CC2D2B: variants seen among roughly 807,000 people sequenced by gnomAD.
CC2D2B encodes protein CC2D2B.
Under a neutral mutation model 161.2 loss-of-function variants are expected in CC2D2B, and 128 were observed. That is an observed-to-expected ratio of 0.79 (90% CI 0.69 to 0.92). The LOEUF is 0.92. Ranked by LOEUF, CC2D2B falls within the 40% of genes least tolerant of loss-of-function variation. The probability of loss-of-function intolerance (pLI) is 0.00; values close to 1 mark genes in which losing one functional copy is unlikely to be tolerated. For missense variants in CC2D2B, 1,173 were observed against 1,375.1 expected (o/e 0.85, Z 2.32); for synonymous variants, 391 against 449.8 (o/e 0.87, Z 1.65).
chr10:95,999,578 G>T (rs2078379888), intron 24 of CC2D2B, among the ~76,000 whole-genome samples: 1 of 151,350 alleles, frequency 6.6e-6, no homozygotes, highest in South Asian at 2.1e-4. Context: ...GTAATTTGTT[G>T]CACAATAAGC....
intron 31 of CC2D2B, 60 bp downstream of exon 31, chr10:96,019,397 AC>A: frequency 6.8e-7 from 1 of 1,459,908 alleles, no homozygotes; most frequent in Admixed American, 2.2e-5. Flanking sequence ...CTGGCTACAC[AC>A]TAGAATCACC....
intron 12 of CC2D2B, among the ~76,000 whole-genome samples, chr10:95,963,006 T>G (rs1188916720): frequency 2.0e-5 from 3 of 152,104 alleles, no homozygotes; most frequent in Non-Finnish European, 2.9e-5. Flanking sequence ...CTAACTCTTG[T>G]TGCCACTATT....
intron 6 of CC2D2B, among the ~76,000 whole-genome samples, chr10:95,928,232 TAAA>T (rs34003266): frequency 3.3e-5 from 5 of 149,572 alleles, no homozygotes; most frequent in East Asian, 4.0e-4. Context: ...TTTGCACAAT[TAAA>T]AAAAAAAAAC....
intron 25 of CC2D2B, among the ~76,000 whole-genome samples, 155 bp downstream of exon 25, chr10:96,004,403 C>T (rs2078659140): frequency 6.6e-6 from 1 of 152,116 alleles, no homozygotes; most frequent in Non-Finnish European, 1.5e-5. Context: ...TAAAATCAGA[C>T]ATATAACAAG....
intron 32 of CC2D2B, 119 bp downstream of exon 32, chr10:96,019,943 A>G: frequency 2.1e-6 from 2 of 960,668 alleles, no homozygotes; most frequent in Non-Finnish European, 3.0e-6. Flanking sequence ...ATTTGGCAAT[A>G]TTAATTTAAA....
intron 25 of CC2D2B, among the ~76,000 whole-genome samples, chr10:96,008,834 T>A (rs2078868223): frequency 6.6e-6 from 1 of 152,098 alleles, no homozygotes; most frequent in African/African-American, 2.4e-5. Flanking sequence ...CAATATGTAG[T>A]TTATCTTTTT....
At position 96,033,473 on chromosome 10, in the gene CC2D2B, A is replaced by G. The variant is rs1285909100; in HGVS notation, c.*1465A>G. Among the ~76,000 whole-genome samples the G allele has an allele frequency of 2.0e-5, 3 of 152,228 alleles. No individual in the cohort carries two copies. The highest frequency in any genetic ancestry group is 2.0e-4 in the Admixed American group (3 of 15,268). On this transcript the variant is annotated 3_prime_UTR_variant, in exon 35 of 35. Coordinates refer to ENST00000646931, the MANE Select transcript of CC2D2B (RefSeq NM_001349008.3). ...TTTAAATTTAATGTGAAGTTTTATT[A>G]TTAAACAAGTCCCCCACTTTGATTG...
chr10:95,909,654 G>T (rs1162871642), intron 1 of CC2D2B, among the ~76,000 whole-genome samples: 2 of 152,212 alleles, frequency 1.3e-5, no homozygotes, highest in Non-Finnish European at 2.9e-5. Flanking sequence ...CACAATTAAA[G>T]ATATGTTACT....
intron 17 of CC2D2B, among the ~76,000 whole-genome samples, chr10:95,981,316 C>G (rs1386231456): frequency 6.6e-6 from 1 of 150,726 alleles, no homozygotes; most frequent in East Asian, 2.0e-4. Context: ...CGCTTTGAAC[C>G]TGGGAGGCAG....
chr10:95,961,660 G>A lies in CC2D2B; in HGVS notation c.1110-169G>A, dbSNP rs2076767885. On this transcript the variant is annotated intron_variant, in intron 11 of 34. Coordinates refer to ENST00000646931, the MANE Select transcript of CC2D2B (RefSeq NM_001349008.3). ...GGAACAAATTTCTAATGGAATTGCA[G>A]TGGGTAACATAAAATATAGTAAGAT... 7 of 391,442 alleles carry A rather than the reference G, an allele frequency of 1.8e-5. No homozygotes were observed. The East Asian group carries it at 2.6e-4, about 14-fold the overall frequency. The allele number at this position is 391,442 out of a possible 1,614,324, so 24.2% of individuals were successfully genotyped here.
Position 96,033,134 on chromosome 10 carries a change from C to G in CC2D2B, c.*1126C>G, listed in dbSNP as rs1469494456. Among the ~76,000 whole-genome samples, 1 of 152,130 alleles carries G rather than the reference C, an allele frequency of 6.6e-6. No individual in the cohort carries two copies. The highest frequency in any genetic ancestry group is 1.5e-5 in the Non-Finnish European group (1 of 68,026). On this transcript the variant is annotated 3_prime_UTR_variant, in exon 35 of 35. Coordinates refer to ENST00000646931, the MANE Select transcript of CC2D2B (RefSeq NM_001349008.3). ...TATGAGGTAAAGATAAAAGAACATT[C>G]ACCTCTCCCATTGAAGAACCACTGA... is the stretch of plus-strand genomic sequence containing the variant.
intron 21 of CC2D2B, among the ~76,000 whole-genome samples, chr10:95,991,801 T>C (rs1355321253): frequency 6.6e-6 from 1 of 152,220 alleles, no homozygotes; most frequent in Non-Finnish European, 1.5e-5. Context: ...GGAAAAGTTG[T>C]TGCTGCTAGC....
intron 9 of CC2D2B, among the ~76,000 whole-genome samples, chr10:95,945,399 A>G (rs975094186): frequency 6.6e-5 from 10 of 152,166 alleles, no homozygotes; most frequent in Non-Finnish European, 1.5e-5. Context: ...TAATAGTTGT[A>G]TGCATATCAG....
At chr10:95,967,995 T>C (rs2077000140) in intron 14 of CC2D2B, among the ~76,000 whole-genome samples, 1 of 152,174 alleles carries the variant, frequency 6.6e-6, no homozygotes, top group African/African-American at 2.4e-5. Flanking sequence ...CTCTTGCCAC[T>C]AGGAAAATAT....
intron 32 of CC2D2B, chr10:96,020,082 A>G (rs1034354516): frequency 2.9e-6 from 1 of 345,298 alleles, no homozygotes; most frequent in Admixed American, 5.0e-5. Context: ...TTTTCACCAT[A>G]AAACATAACA....
chr10:95,980,205 GGGAGGGAGGGAA>G (rs2077462603), intron 17 of CC2D2B, among the ~76,000 whole-genome samples: 2 of 151,940 alleles, frequency 1.3e-5, no homozygotes, highest in South Asian at 2.1e-4. Context: ...GAGGAAGGGA[GGGAGGGAGGGAA>G]GGAGGGAGGG....
chr10:95,946,762 C>T (rs773843541), intron 9 of CC2D2B, among the ~76,000 whole-genome samples: 10 of 151,972 alleles, frequency 6.6e-5, no homozygotes, highest in Non-Finnish European at 1.2e-4. Flanking sequence ...ATTTAGGCAC[C>T]GTACAGATGG....
At chr10:95,988,149 T>C (rs2077804873) in intron 19 of CC2D2B, 101 bp from the exon 20 acceptor site, 2 of 419,348 alleles carry the variant, frequency 4.8e-6, no homozygotes, top group Non-Finnish European at 8.1e-6. Flanking sequence ...GTTTCCAGTG[T>C]CTTACACATG....
At chr10:95,951,122 A>G (rs2076387423) in intron 10 of CC2D2B, among the ~76,000 whole-genome samples, 1 of 151,994 alleles carries the variant, frequency 6.6e-6, no homozygotes, top group Non-Finnish European at 1.5e-5. Context: ...CCCGGCTAAT[A>G]TGTGCTTTTT....
Sources: gnomAD v4.1 joint callset for allele counts (sites outside exome capture counted in the v4.1 genomes callset) on GRCh38, gnomAD v4.1.1 for gene constraint, MANE v1.5 for transcripts, NCBI Gene and HGNC (gene_info 2026-07-23, HGNC 2026-07-21) for gene names.